NFAT5: variants seen among roughly 807,000 people sequenced by gnomAD.
NFAT5 encodes nuclear factor of activated T-cells 5.
Under a neutral mutation model 166.5 loss-of-function variants are expected in NFAT5, and 31 were observed. The observed-to-expected ratio is 0.19, with a 90% confidence interval of 0.14 to 0.25. NFAT5 has a LOEUF of 0.25. NFAT5 is among the 10% of genes least tolerant of loss of function. NFAT5 has a pLI of 1.00. For synonymous variants in NFAT5, 612 were observed against 639.7 expected (o/e 0.96, Z 0.65); for missense variants, 1,449 against 1,821.8 (o/e 0.80, Z 3.72).
At chr16:69,578,647 G>A (rs1024779965) in intron 2 of NFAT5, among the ~76,000 whole-genome samples, 1 of 152,006 alleles carries the variant, frequency 6.6e-6, no homozygotes, top group African/African-American at 2.4e-5. Flanking sequence ...CCTTTACAAT[G>A]GAGTTGTGAA....
chr16:69,687,944 C>G (rs377502389), intron 11 of NFAT5, among the ~76,000 whole-genome samples: 3 of 151,806 alleles, frequency 2.0e-5, no homozygotes, highest in East Asian at 1.9e-4. Context: ...CCTGTAATCC[C>G]AGCACTTTGG....
At chr16:69,674,177 A>G (rs1219691347) in intron 9 of NFAT5, among the ~76,000 whole-genome samples, 2 of 143,814 alleles carry the variant, frequency 1.4e-5, no homozygotes, top group African/African-American at 5.1e-5. Context: ...CAGGAGGCGG[A>G]GGTTGCAGTG....
intron 2 of NFAT5, among the ~76,000 whole-genome samples, chr16:69,616,304 G>A (rs1415166798): frequency 1.3e-5 from 2 of 151,740 alleles, no homozygotes; most frequent in Non-Finnish European, 2.9e-5. Context: ...TATACCTGCC[G>A]GGTAACCTCT....
chr16:69,568,573 AT>A, intron 2 of NFAT5, 25 bp downstream of exon 2: 1 of 1,595,216 alleles, frequency 6.3e-7, no homozygotes, highest in Non-Finnish European at 8.6e-7. Context: ...ATTTTAAAGC[AT>A]ATTGTGTTAG....
intron 2 of NFAT5, among the ~76,000 whole-genome samples, chr16:69,624,877 G>A (rs759435538): frequency 1.3e-5 from 2 of 150,380 alleles, no homozygotes; most frequent in African/African-American, 2.4e-5. Context: ...AAGTATACGC[G>A]ATATGCCTCT....
Position 69,704,601 on chromosome 16 carries a change from C to T in NFAT5, c.*8250C>T, listed in dbSNP as rs2151738238. On this transcript the variant is annotated 3_prime_UTR_variant, in exon 15 of 15. Coordinates refer to ENST00000349945, the MANE Select transcript of NFAT5 (RefSeq NM_138713.4). ...TTCTATTGGAACATTTGTATACTCG[C>T]AACTATATTTCTGTAAACAGCTGCA... 2 of 152,724 alleles carry T rather than the reference C, an allele frequency of 1.3e-5. No individual in the cohort carries two copies. The highest frequency in any genetic ancestry group is 4.1e-4 in the South Asian group (2 of 4,828). The allele number at this position is 152,724 out of a possible 1,614,324, so 9.5% of individuals were successfully genotyped here. A position where few individuals can be genotyped will look rare whatever the true frequency, so the allele number is the denominator to read the frequency against.
chr16:69,663,636 G>A (rs959489084), intron 7 of NFAT5, among the ~76,000 whole-genome samples: 31 of 151,428 alleles, frequency 2.0e-4, no homozygotes, highest in African/African-American at 7.3e-4. Flanking sequence ...TTGGGAGGGC[G>A]AGGTAGGAAG....
rs189415301 is a variant in NFAT5, at chr16:69,576,343, C to A, written c.127+7795C>A. ...TTGAAATTGGCATTTATACTTTGGGCCCTAATAAGATTACACCATTGTTCA... is the reference window on the plus strand; with the variant it reads ...TTGAAATTGGCATTTATACTTTGGGACCTAATAAGATTACACCATTGTTCA... On this transcript the variant is annotated intron_variant, in intron 2 of 14. Coordinates refer to ENST00000349945, the MANE Select transcript of NFAT5 (RefSeq NM_138713.4). 1.3e-4 allele frequency among the ~76,000 whole-genome samples: 20 copies of A among 150,100 alleles called. 1 individual carries two copies. In the Middle Eastern group the frequency reaches 0.014, roughly 106 times the overall value.
chr16:69,641,677 A>C (rs892352658), intron 3 of NFAT5, among the ~76,000 whole-genome samples: 8 of 152,286 alleles, frequency 5.3e-5, no homozygotes, highest in African/African-American at 1.7e-4. Context: ...TTAAGCACTA[A>C]TATATTATGG....
At chr16:69,585,405 A>C (rs2031991259) in intron 2 of NFAT5, among the ~76,000 whole-genome samples, 1 of 152,026 alleles carries the variant, frequency 6.6e-6, no homozygotes, top group African/African-American at 2.4e-5. Flanking sequence ...AGCTGTTGTG[A>C]AAAACAGGTG....
At chr16:69,568,616 A>T in intron 2 of NFAT5, 68 bp downstream of exon 2, 1 of 1,326,776 alleles carries the variant, frequency 7.5e-7, no homozygotes, top group Non-Finnish European at 1.1e-6. Flanking sequence ...ATGGAGTTTA[A>T]ATGGGAAAGT....
chr16:69,576,187 T>C (rs2142913610), intron 2 of NFAT5, among the ~76,000 whole-genome samples: 1 of 149,192 alleles, frequency 6.7e-6, no homozygotes, highest in Admixed American at 6.8e-5. Context: ...GCACCTGTAG[T>C]CCCCTGAGGC....
rs2035479705 is a variant in NFAT5, at chr16:69,647,304, G to A, written c.530G>A (p.Cys177Tyr). ...TTGCTGGATAACAGTCGGATGTCCT[G>A]CCAGGATGAGGGGTGTGGATTGGAA... The part of the protein sequence containing the change: ...EDLLDNSRMS[C>Y]QDEGCGLESE... Residue 177 changes from cysteine to tyrosine, a missense_variant, in exon 4 of 15, where the codon TGC (cysteine) becomes TAC (tyrosine). Cys to Tyr is a radical substitution (Grantham distance 194). This residue lies in a region of NFAT5 where 115 missense variants were observed against 177.1 expected (regional missense o/e 0.65). Coordinates refer to ENST00000349945, the MANE Select transcript of NFAT5 (RefSeq NM_138713.4). This position sits in a 1 kb window ranked among gnomAD's most constrained non-coding sequence, Gnocchi z 4.8. 1 of 1,614,064 alleles carries A rather than the reference G, an allele frequency of 6.2e-7. No individual in the cohort carries two copies.
intron 11 of NFAT5, among the ~76,000 whole-genome samples, chr16:69,686,519 AAAAAC>A (rs1177916601): frequency 9.9e-5 from 15 of 152,212 alleles, no homozygotes; most frequent in Admixed American, 8.5e-4. Context: ...CAAGGTTCTC[AAAAAC>A]AAAACAAAGC....
chr16:69,682,434 C>CG lies in NFAT5; in HGVS notation c.1691-2453_1691-2452insG, dbSNP rs201970090. Among the ~76,000 whole-genome samples the CG allele has an allele frequency of 5.3e-3, 536 of 100,546 alleles. 10 individuals are homozygous for CG. Among genetic ancestry groups the CG allele is most frequent in the Admixed American group, 0.035 (418 of 11,962 alleles). 66.0% of individuals were successfully genotyped at this position (100,546 alleles called of 152,430 possible). ...ACCAGCCTGGGCGATATAGTGAGAC[C>CG]CCCCCCCCCGCCATCCCTACAAAGA... On this transcript the variant is annotated intron_variant, in intron 10 of 14. Transcript: ENST00000349945.
intron 5 of NFAT5, among the ~76,000 whole-genome samples, chr16:69,653,801 A>G (rs575421356): frequency 6.6e-6 from 1 of 152,084 alleles, no homozygotes; most frequent in Non-Finnish European, 1.5e-5. Context: ...GGAACTCCTG[A>G]TCTCAAGTGA....
chr16:69,650,953 G>A (rs1257556894), intron 4 of NFAT5, among the ~76,000 whole-genome samples: 1 of 152,178 alleles, frequency 6.6e-6, no homozygotes, highest in Non-Finnish European at 1.5e-5. Context: ...TACCCAGAAT[G>A]ATGAAAAGAA....
chr16:69,580,087 A>T (rs1039966207), intron 2 of NFAT5, among the ~76,000 whole-genome samples: 2 of 152,130 alleles, frequency 1.3e-5, no homozygotes, highest in African/African-American at 4.8e-5. Flanking sequence ...CTTCAGAACA[A>T]CTCAAGTGTT....
chr16:69,570,718 A>G lies in NFAT5; in HGVS notation c.127+2170A>G, dbSNP rs190680415. 2.6e-3 allele frequency among the ~76,000 whole-genome samples: 401 copies of G among 152,314 alleles called. 1 individual carries two copies. Among genetic ancestry groups the G allele is most frequent in the African/African-American group, 9.5e-3 (396 of 41,582 alleles). On this transcript the variant is annotated intron_variant, in intron 2 of 14. Coordinates refer to ENST00000349945, the MANE Select transcript of NFAT5 (RefSeq NM_138713.4). The stretch of plus-strand genomic sequence containing the variant: ...TCAAGACAGAGTGCTGCAGGAGGCT[A>G]CCGCTTCTAGTATATAGTATATCCT...
Sources: gnomAD v4.1 joint callset for allele counts (sites outside exome capture counted in the v4.1 genomes callset) on GRCh38, gnomAD v4.1.1 for gene constraint, gnomAD v4.1.1 regional missense constraint, Gnocchi (gnomAD v3.1) non-coding constraint, MANE v1.5 for transcripts, NCBI Gene and HGNC (gene_info 2026-07-23, HGNC 2026-07-21) for gene names.